MALRD1: variants seen among roughly 807,000 people sequenced by gnomAD.
MALRD1 encodes the protein MAM and LDL receptor class A domain containing 1.
A neutral mutation model predicts 242.1 loss-of-function variants in MALRD1; 247 were observed. The ratio of observed to expected loss-of-function variants is 1.02; its 90% CI spans 0.92 to 1.13. MALRD1 has a LOEUF of 1.13. MALRD1 is among the 50% of genes most tolerant of loss of function. The probability of loss-of-function intolerance (pLI) is 0.00; values close to 1 mark genes in which losing one functional copy is unlikely to be tolerated. For missense variants in MALRD1, 2,989 were observed against 2,533.1 expected, an observed-to-expected ratio of 1.18 and a Z score of -3.86; for synonymous variants, 995 against 866.6, an observed-to-expected ratio of 1.15 and a Z score of -2.60.
At chr10:19,291,437 G>C (rs914765400) in intron 21 of MALRD1, 1 of 151,774 alleles carries the variant, frequency 6.6e-6, no homozygotes, top group African/African-American at 2.4e-5. Context: ...ATCCCATTGA[G>C]AGGGGAAAGG....
At chr10:19,490,183 C>G (rs1837419368) in intron 29 of MALRD1, among the ~76,000 whole-genome samples, 1 of 152,044 alleles carries the variant, frequency 6.6e-6, no homozygotes, top group Non-Finnish European at 1.5e-5. Context: ...TGATCCTCAA[C>G]CAATACAATG....
At chr10:19,418,442 T>C (rs1027988910) in intron 28 of MALRD1, among the ~76,000 whole-genome samples, 2 of 152,306 alleles carry the variant, frequency 1.3e-5, no homozygotes, top group South Asian at 4.1e-4. Context: ...GAGATTAAGG[T>C]TTTATTCATC....
intron 19 of MALRD1, among the ~76,000 whole-genome samples, chr10:19,263,650 A>G (rs1839850716): frequency 6.6e-6 from 1 of 152,150 alleles, no homozygotes; most frequent in South Asian, 2.1e-4. Flanking sequence ...TTTGCTTTGC[A>G]TGTAGATATC....
At chr10:19,274,201 T>A (rs1840392368) in intron 19 of MALRD1, among the ~76,000 whole-genome samples, 1 of 152,144 alleles carries the variant, frequency 6.6e-6, no homozygotes, top group Non-Finnish European at 1.5e-5. Flanking sequence ...TTATTCACAA[T>A]AGCTAAGAGG....
intron 2 of MALRD1, among the ~76,000 whole-genome samples, chr10:19,068,184 TTTTG>T (rs1297958136): frequency 6.6e-6 from 1 of 152,094 alleles, no homozygotes; most frequent in Non-Finnish European, 1.5e-5. Flanking sequence ...TACTGTAGAC[TTTTG>T]TTTGTCGGTG....
intron 33 of MALRD1, among the ~76,000 whole-genome samples, chr10:19,591,487 T>G (rs554473765): frequency 1.0e-3 from 155 of 148,010 alleles, no homozygotes; most frequent in African/African-American, 3.7e-3. Context: ...CCTTCCTTCC[T>G]TTTATTTTAG....
chr10:19,448,380 A>G (rs1462179693), intron 28 of MALRD1, among the ~76,000 whole-genome samples: 1 of 152,190 alleles, frequency 6.6e-6, no homozygotes, highest in Non-Finnish European at 1.5e-5. Context: ...GCAATGACCC[A>G]GGACCAAGGA....
chr10:19,651,963 T>G (rs774339015), intron 36 of MALRD1, among the ~76,000 whole-genome samples: 1 of 152,164 alleles, frequency 6.6e-6, no homozygotes, highest in Non-Finnish European at 1.5e-5. Context: ...AAGGGCCAAA[T>G]TGATGCCACA....
intron 36 of MALRD1, among the ~76,000 whole-genome samples, chr10:19,676,523 T>A (rs1250995193): frequency 6.6e-6 from 1 of 152,182 alleles, no homozygotes; most frequent in Non-Finnish European, 1.5e-5. Context: ...TGATTTGAAA[T>A]TGACTTAATG....
At chr10:19,209,084 T>A (rs1023523918) in intron 17 of MALRD1, among the ~76,000 whole-genome samples, 184 bp from the exon 18 acceptor site, 1 of 152,168 alleles carries the variant, frequency 6.6e-6, no homozygotes, top group East Asian at 1.9e-4. Flanking sequence ...AATTGATATA[T>A]CATTTAGAAA....
intron 18 of MALRD1, among the ~76,000 whole-genome samples, chr10:19,243,527 A>G (rs2131753964): frequency 6.6e-6 from 1 of 152,096 alleles, no homozygotes; most frequent in South Asian, 2.1e-4. Flanking sequence ...ACCCTTAGAG[A>G]TTGTGTATTA....
chr10:19,429,780 A>G (rs1834048179), intron 28 of MALRD1, among the ~76,000 whole-genome samples: 1 of 152,128 alleles, frequency 6.6e-6, no homozygotes, highest in South Asian at 2.1e-4. Flanking sequence ...AATTTATGAT[A>G]TCTAATGTCA....
At chr10:19,723,081 A>G (rs78521382) in intron 38 of MALRD1, among the ~76,000 whole-genome samples, 4,338 of 152,242 alleles carry the variant, frequency 0.028, 203 homozygotes, top group African/African-American at 0.091. Flanking sequence ...GAGAGCATCA[A>G]TTCCTTTCAG....
intron 31 of MALRD1, among the ~76,000 whole-genome samples, chr10:19,512,808 T>C (rs946999214): frequency 6.6e-6 from 1 of 152,206 alleles, no homozygotes; most frequent in Non-Finnish European, 1.5e-5. Context: ...AATTTTAGAC[T>C]AGTCACTCCA....
At chr10:19,480,027 C>T (rs796393552) in intron 29 of MALRD1, among the ~76,000 whole-genome samples, 11 of 152,268 alleles carry the variant, frequency 7.2e-5, no homozygotes, top group African/African-American at 2.6e-4. Flanking sequence ...CAGAAACAAG[C>T]ATGTGCTATA....
chr10:19,152,533 T>C (rs1833978900), intron 11 of MALRD1, among the ~76,000 whole-genome samples: 7 of 152,180 alleles, frequency 4.6e-5, no homozygotes. Flanking sequence ...GTTCTTCATA[T>C]AAATCATGTC....
chr10:19,188,820 G>A (rs1588672732), intron 14 of MALRD1, among the ~76,000 whole-genome samples: 1 of 149,730 alleles, frequency 6.7e-6, no homozygotes, highest in South Asian at 2.1e-4. Context: ...ACTGAATAAG[G>A]AAATGATGGT....
chr10:19,169,665 T>C (rs1488084373), intron 13 of MALRD1, among the ~76,000 whole-genome samples: 1 of 152,234 alleles, frequency 6.6e-6, no homozygotes, highest in Non-Finnish European at 1.5e-5. Context: ...TATGAAAATA[T>C]ACATGAGGAT....
intron 36 of MALRD1, among the ~76,000 whole-genome samples, chr10:19,686,468 C>T (rs540680912): frequency 1.3e-5 from 2 of 152,272 alleles, no homozygotes; most frequent in East Asian, 1.9e-4. Context: ...TAAACTCTGC[C>T]GTTTTGCTTC....
Sources: allele counts gnomAD v4.1 joint callset (sites outside exome capture counted in the v4.1 genomes callset), GRCh38; gene constraint gnomAD v4.1.1; transcripts MANE v1.5; gene names NCBI Gene and HGNC (gene_info 2026-07-23, HGNC 2026-07-21).